IGSF21: variants seen among roughly 807,000 people sequenced by gnomAD.
IGSF21 encodes the protein immunoglobulin superfamily member 21.
IGSF21 carries 28 observed loss-of-function variants against 46.8 expected under a neutral mutation model. The observed-to-expected ratio is 0.60, with a 90% CI of 0.44 to 0.82. The LOEUF is 0.82. Ranked by LOEUF, IGSF21 falls within the 40% of genes least tolerant of loss-of-function variation. The probability of loss-of-function intolerance (pLI) is 0.00; values close to 1 mark genes in which losing one functional copy is unlikely to be tolerated. For synonymous variants in IGSF21, 284 were observed against 273.6 expected, an observed-to-expected ratio of 1.04 and a Z score of -0.38; for missense variants, 624 against 665.5, an observed-to-expected ratio of 0.94 and a Z score of 0.69.
chr1:18,129,227 A>C (rs951528757), intron 1 of IGSF21, among the ~76,000 whole-genome samples: 4 of 152,056 alleles, frequency 2.6e-5, no homozygotes, highest in African/African-American at 9.7e-5. Context: ...AAAAGGGGAG[A>C]GAGAGTAACC....
At chr1:18,367,771 T>C in intron 6 of IGSF21, among the ~76,000 whole-genome samples, 1 of 110,498 alleles carries the variant, frequency 9.0e-6, no homozygotes, top group Non-Finnish European at 1.9e-5. Context: ...CACATCCTGC[T>C]AATTTTTTTT....
chr1:18,270,856 G>A (rs942008482), intron 2 of IGSF21, among the ~76,000 whole-genome samples: 3 of 152,016 alleles, frequency 2.0e-5, no homozygotes, highest in East Asian at 1.9e-4. Flanking sequence ...CCAGCCGCAT[G>A]TGCGATTTGA....
intron 1 of IGSF21, among the ~76,000 whole-genome samples, chr1:18,162,826 T>G (rs1461378964): frequency 6.6e-6 from 1 of 152,144 alleles, no homozygotes; most frequent in African/African-American, 2.4e-5. Context: ...GAGACCGTAT[T>G]CACCCTCTAA....
chr1:18,254,371 AC>A (rs2084870645), intron 2 of IGSF21, among the ~76,000 whole-genome samples: 1 of 151,836 alleles, frequency 6.6e-6, no homozygotes, highest in Non-Finnish European at 1.5e-5. Flanking sequence ...CCTAACCCTA[AC>A]CCTAACCCTA....
rs750653306 is a variant in IGSF21 at position 18,228,026 on chromosome 1, T to A, written c.183+16T>A. ...GTGGTACCGGGTAAGTCACTACTAC[T>A]GCCCCCTTCATGCCCATGGCCAGGA... On this transcript the variant is annotated intron_variant, in intron 2 of 9. Transcript: ENST00000251296. 1 of 1,586,168 alleles carries A rather than the reference T, an allele frequency of 6.3e-7. No homozygotes were observed. The highest frequency in any genetic ancestry group is 1.1e-5 in the South Asian group (1 of 90,566).
chr1:18,255,704 C>T (rs942432023), intron 2 of IGSF21, among the ~76,000 whole-genome samples: 2 of 152,334 alleles, frequency 1.3e-5, no homozygotes, highest in Non-Finnish European at 2.9e-5. Flanking sequence ...AACCCCCCTT[C>T]CTACTGTTTC....
At chr1:18,254,767 G>A (rs567068605) in intron 2 of IGSF21, among the ~76,000 whole-genome samples, 6 of 152,144 alleles carry the variant, frequency 3.9e-5, no homozygotes, top group Admixed American at 2.6e-4. Context: ...TTCCACTTCT[G>A]GAATCTTCCA....
chr1:18,359,395 G>GAAAGA (rs1557659688), intron 4 of IGSF21, among the ~76,000 whole-genome samples: 1 of 78,690 alleles, frequency 1.3e-5, no homozygotes, highest in South Asian at 4.6e-4. Context: ...AGGAAGGAAG[G>GAAAGA]AAGGAAGGAA....
At chr1:18,182,486 A>G (rs987497480) in intron 1 of IGSF21, among the ~76,000 whole-genome samples, 17 of 152,050 alleles carry the variant, frequency 1.1e-4, no homozygotes, top group African/African-American at 3.4e-4. Context: ...ACCCCCAGAA[A>G]GTGTCTTTTG....
intron 4 of IGSF21, among the ~76,000 whole-genome samples, chr1:18,344,898 C>T (rs2124615294): frequency 6.6e-6 from 1 of 152,300 alleles, no homozygotes; most frequent in Non-Finnish European, 1.5e-5. Flanking sequence ...GCCACAGACT[C>T]CAGGGAGCCA....
chr1:18,374,418 G>T (rs775375044), intron 6 of IGSF21, among the ~76,000 whole-genome samples: 2 of 152,152 alleles, frequency 1.3e-5, no homozygotes, highest in African/African-American at 4.8e-5. Context: ...GTTAGGCAAG[G>T]GGTATCATTG....
At chr1:18,323,347 G>A (rs568434884) in intron 3 of IGSF21, among the ~76,000 whole-genome samples, 11 of 152,252 alleles carry the variant, frequency 7.2e-5, no homozygotes, top group African/African-American at 2.6e-4. Context: ...GCTGAGAGCC[G>A]ATGACCTGCC....
At chr1:18,225,093 A>T (rs1323505698) in intron 1 of IGSF21, among the ~76,000 whole-genome samples, 11,081 of 58,510 alleles carry the variant, frequency 0.19, 656 homozygotes, top group East Asian at 0.36. Context: ...TCTCACACAC[A>T]CACACACACA....
intron 3 of IGSF21, among the ~76,000 whole-genome samples, chr1:18,292,811 C>A (rs942737098): frequency 6.6e-6 from 1 of 152,162 alleles, no homozygotes; most frequent in Non-Finnish European, 1.5e-5. Flanking sequence ...CAAAGCTGGT[C>A]GGCTGCAACT....
chr1:18,346,902 A>G (rs2124616895), intron 4 of IGSF21, among the ~76,000 whole-genome samples: 1 of 152,208 alleles, frequency 6.6e-6, no homozygotes, highest in East Asian at 1.9e-4. Flanking sequence ...CAGAGACGGG[A>G]CACTGTCGTC....
chr1:18,158,851 G>C (rs74055920), intron 1 of IGSF21, among the ~76,000 whole-genome samples: 389 of 152,352 alleles, frequency 2.6e-3, no homozygotes, highest in African/African-American at 9.1e-3. Flanking sequence ...TTTCAGAGAA[G>C]GGTGGGAAGG....
At chr1:18,350,802 G>A (rs769604554) in intron 4 of IGSF21, among the ~76,000 whole-genome samples, 1 of 152,132 alleles carries the variant, frequency 6.6e-6, no homozygotes, top group Admixed American at 6.5e-5. Flanking sequence ...ATCCTAAAAC[G>A]CTGATAGGAC....
At chr1:18,196,421 G>A (rs181114530) in intron 1 of IGSF21, among the ~76,000 whole-genome samples, 49 of 152,274 alleles carry the variant, frequency 3.2e-4, no homozygotes, top group African/African-American at 1.1e-3. Flanking sequence ...CCTGCAGGGC[G>A]CGTCTGCAGA....
chr1:18,303,647 A>G (rs1343981262), intron 3 of IGSF21, among the ~76,000 whole-genome samples: 1 of 152,150 alleles, frequency 6.6e-6, no homozygotes, highest in Non-Finnish European at 1.5e-5. Context: ...GGCTTGACTT[A>G]ATTATTCATT....
Sources: gnomAD v4.1 joint callset for allele counts (sites outside exome capture counted in the v4.1 genomes callset) on GRCh38, gnomAD v4.1.1 for gene constraint, MANE v1.5 for transcripts, NCBI Gene and HGNC (gene_info 2026-07-23, HGNC 2026-07-21) for gene names.